RELL2: variants seen among roughly 807,000 people sequenced by gnomAD.
RELL2 encodes RELT like 2.
In RELL2, 18 loss-of-function variants were observed where a neutral mutation model predicts 27.5. The observed-to-expected ratio is 0.65, with a 90% CI of 0.45 to 0.97. RELL2 has a LOEUF of 0.97. RELL2 is among the 50% of genes least tolerant of loss of function. RELL2 has a pLI of 0.00. For missense variants in RELL2, 370 were observed against 397.5 expected, an observed-to-expected ratio of 0.93 and a Z score of 0.59; for synonymous variants, 156 against 147.5, an observed-to-expected ratio of 1.06 and a Z score of -0.42.
In RELL2 at chr5:141,640,926, T is replaced by C. The variant is rs760999279; in HGVS notation, c.*257T>C. On this transcript the variant is annotated 3_prime_UTR_variant, in exon 7 of 7. Coordinates refer to ENST00000297164, the MANE Select transcript of RELL2 (RefSeq NM_173828.5). ...GCTCCATATGATAGAGCGTGGCAGC[T>C]GGGAGCAGGCCCCTGCCCGTGGTGG... The C allele has an allele frequency of 8.7e-4, 465 of 532,384 alleles. 1 individual carries two copies. Among genetic ancestry groups the C allele is most frequent in the Non-Finnish European group, 1.2e-3 (356 of 301,696 alleles). 33.0% of individuals were successfully genotyped at this position (532,384 alleles called of 1,614,324 possible).
At position 141,638,985 on chromosome 5, in the gene RELL2, G is replaced by A; in HGVS notation, c.281G>A (p.Gly94Glu). 6.2e-7 allele frequency: 1 copy of A among 1,614,152 alleles called. No homozygotes were observed. The highest frequency in any genetic ancestry group is 8.5e-7 in the Non-Finnish European group (1 of 1,180,014). Reference protein sequence around the residue: ...ANAEALKEMLGDSEGEGTVQL... With the variant: ...ANAEALKEMLEDSEGEGTVQL... ...GCTGAGGCCTTGAAGGAGATGCTGG[G>A]GGACAGTGAAGGAGAAGGGACAGTG... Residue 94 changes from glycine (G) to glutamate (E), a missense_variant, in exon 3 of 7, where the codon GGG (glycine) becomes GAG (glutamate). Physicochemically the swap from Gly to Glu is moderately conservative, Grantham distance 98 (BLOSUM62 -2). Coordinates refer to ENST00000297164, the MANE Select transcript of RELL2 (RefSeq NM_173828.5).
Position 141,640,713 on chromosome 5 carries a change from GGGGT to G in RELL2, c.*52_*55del. 1 of 1,528,434 alleles carries G rather than the reference GGGGT, an allele frequency of 6.5e-7. No homozygotes were observed. Among genetic ancestry groups the G allele is most frequent in the Non-Finnish European group, 8.8e-7 (1 of 1,142,254 alleles). 94.7% of individuals were successfully genotyped at this position (1,528,434 alleles called of 1,614,324 possible). On this transcript the variant is annotated 3_prime_UTR_variant, in exon 7 of 7. Coordinates refer to ENST00000297164, the MANE Select transcript of RELL2 (RefSeq NM_173828.5). ...ATGGACTACCAGCTGGCAGGGCCAG[GGGGT>G]GGGTGGGCGTGAAAGCCCTCCCCTC...
Position 141,640,311 on chromosome 5 carries a change from C to T in RELL2, c.879+16C>T, listed in dbSNP as rs769298620. On this transcript the variant is annotated intron_variant, in intron 5 of 6. Coordinates refer to ENST00000297164, the MANE Select transcript of RELL2 (RefSeq NM_173828.5). ...TGATCACCAGGTAGGAAAACACAGC[C>T]GGGACTGCACTGGGCTGGGCTCTTA... 83 of 1,613,554 alleles carry T rather than the reference C, an allele frequency of 5.1e-5. No homozygotes were observed. Among genetic ancestry groups the T allele is most frequent in the East Asian group, 4.2e-4 (19 of 44,888 alleles).
chr5:141,640,395 C>G lies in RELL2; in HGVS notation c.880-17C>G. 6.2e-7 allele frequency: 1 copy of G among 1,614,186 alleles called. No individual in the cohort carries two copies. The highest frequency in any genetic ancestry group is 8.5e-7 in the Non-Finnish European group (1 of 1,180,012). ...TACTCCTGGTCTCTCATTGTTGACC[C>G]CTCCCCTTTCTCTCAGGTGTCTCTA... On this transcript the variant is annotated splice_polypyrimidine_tract_variant and intron_variant, in intron 5 of 6. Transcript: ENST00000297164.
rs1038885008 is a variant in RELL2, at chr5:141,638,140, A to C, written c.-86A>C. ...GACGTGCTTGTTTCAGATCCTGAGG[A>C]CGGCATTCCTACCCCTCCCCCATTC... On this transcript the variant is annotated 5_prime_UTR_variant, in exon 1 of 7. Transcript: ENST00000297164. 74 of 813,140 alleles carry C rather than the reference A, an allele frequency of 9.1e-5. No individual in the cohort carries two copies. The highest frequency in any genetic ancestry group is 3.1e-4 in the Middle Eastern group (1 of 3,220). 50.4% of individuals were successfully genotyped at this position (813,140 alleles called of 1,614,324 possible). A position where few individuals can be genotyped will look rare whatever the true frequency, so the allele number is the denominator to read the frequency against.
chr5:141,640,232 C>T lies in RELL2; in HGVS notation c.816C>T (p.Ser272=). The T allele has an allele frequency of 6.2e-7, 1 of 1,614,120 alleles. No homozygotes were observed. Among genetic ancestry groups the T allele is most frequent in the Admixed American group, 1.7e-5 (1 of 60,016 alleles). The change falls in exon 5 of 7, where the codon AGC becomes AGT. Residue 272 remains serine (S), a synonymous_variant. Transcript: ENST00000297164. ...PTLRAGGRGP[S]PGLPTQEANG... is the part of the protein sequence containing the mutation. ...TGAGGGCCGGAGGGAGGGGCCCAAG[C>T]CCAGGGCTGCCCACTCAAGAGGCAA...
intron 1 of RELL2, 24 bp downstream of exon 1, chr5:141,638,433 G>C: frequency 2.5e-6 from 4 of 1,589,010 alleles, no homozygotes; most frequent in Non-Finnish European, 3.4e-6. Flanking sequence ...CTGGAACCCT[G>C]GCTCAGTCAC....
intron 1 of RELL2, 117 bp downstream of exon 1, chr5:141,638,526 G>T (rs962900172): frequency 2.5e-5 from 25 of 998,840 alleles, no homozygotes; most frequent in Non-Finnish European, 3.6e-5. Context: ...AGGAAGCCTA[G>T]TGATGCACTC....
Position 141,638,057 on chromosome 5 carries a change from G to C in RELL2, c.-169G>C, listed in dbSNP as rs904174615. On this transcript the variant is annotated 5_prime_UTR_variant, in exon 1 of 7. Coordinates refer to ENST00000297164, the MANE Select transcript of RELL2 (RefSeq NM_173828.5). Reference sequence around the variant, plus strand: ...GCCGAAAGGCGAAACAGCACTCCTGGCCCGGACAGCTCCCTGGTTGGGTAG... The same window carrying C: ...GCCGAAAGGCGAAACAGCACTCCTGCCCCGGACAGCTCCCTGGTTGGGTAG... 12 of 605,238 alleles carry C rather than the reference G, an allele frequency of 2.0e-5. No individual in the cohort carries two copies. The African/African-American group carries it at 2.2e-4, about 11-fold the overall frequency. The allele number at this position is 605,238 out of a possible 1,614,324, so 37.5% of individuals were successfully genotyped here.
At position 141,638,195 on chromosome 5, in the gene RELL2, G is replaced by GC; in HGVS notation, c.-28dup. The GC allele has an allele frequency of 2.5e-6, 4 of 1,582,256 alleles. No homozygotes were observed. The highest frequency in any genetic ancestry group is 2.6e-6 in the Non-Finnish European group (3 of 1,161,582). On this transcript the variant is annotated 5_prime_UTR_variant, in exon 1 of 7. Transcript: ENST00000297164. Reference sequence around the variant, plus strand: ...CTGCAGCCCCCTAAACCCAGGAGGCGCCCTGGCCCGCGCTCGCCCCCCAGG... The same window carrying GC: ...CTGCAGCCCCCTAAACCCAGGAGGCGCCCCTGGCCCGCGCTCGCCCCCCAGG...
rs180844101 is a variant in RELL2 at position 141,639,207 on chromosome 5, A to G, written c.317+186A>G. 17 of 624,264 alleles carry G rather than the reference A, an allele frequency of 2.7e-5. No individual in the cohort carries two copies. Among genetic ancestry groups the G allele is most frequent in the African/African-American group, 1.8e-5 (1 of 54,304 alleles). The allele number at this position is 624,264 out of a possible 1,614,324, so 38.7% of individuals were successfully genotyped here. The stretch of plus-strand genomic sequence containing the variant: ...TTCAAACCATCTCTCTCATCTAGAT[A>G]TCATCAAGCCTAACATTCACCTCTA... On this transcript the variant is annotated intron_variant, in intron 3 of 6. Coordinates refer to ENST00000297164, the MANE Select transcript of RELL2 (RefSeq NM_173828.5). The surrounding 1 kb of genome is among the most constrained non-coding windows in gnomAD (Gnocchi z 4.4).
In RELL2 at chr5:141,638,088, G is replaced by T; in HGVS notation, c.-138G>T. On this transcript the variant is annotated 5_prime_UTR_variant, in exon 1 of 7. Transcript: ENST00000297164. ...ACAGCTCCCTGGTTGGGTAGGGGGT[G>T]GGGCCGGACCTCAGCCGGACGTCTT... is the stretch of plus-strand genomic sequence containing the variant. The T allele has an allele frequency of 1.5e-6, 1 of 654,230 alleles. No individual in the cohort carries two copies. The highest frequency in any genetic ancestry group is 2.6e-5 in the East Asian group (1 of 38,724). The allele number at this position is 654,230 out of a possible 1,614,324, so 40.5% of individuals were successfully genotyped here. A position where few individuals can be genotyped will look rare whatever the true frequency, so the allele number is the denominator to read the frequency against.
chr5:141,638,676 G>A, intron 1 of RELL2, 119 bp from the exon 2 acceptor site: 1 of 918,228 alleles, frequency 1.1e-6, no homozygotes, highest in Admixed American at 1.8e-5. Context: ...CTGAGGTCCA[G>A]CATGATAGCA....
In RELL2 at chr5:141,638,399, G is replaced by A. The variant is rs747885904; in HGVS notation, c.174G>A (p.Gln58=). 1.2e-6 allele frequency: 2 copies of A among 1,610,040 alleles called. No individual in the cohort carries two copies. The highest frequency in any genetic ancestry group is 4.5e-5 in the East Asian group (2 of 44,850). ...GGGGCTCTGAGCCTGACGATGCCCA[G>A]CTTCAGCCCCGTGAGTGAGGAGCCT... The part of the protein sequence containing the change: ...TSRGSEPDDA[Q]LQPPEDDDMN... The change falls in exon 1 of 7, where the codon CAG becomes CAA. Residue 58 remains glutamine, a synonymous_variant. Transcript: ENST00000297164.
At chr5:141,638,539 G>C in intron 1 of RELL2, 130 bp downstream of exon 1, 1 of 898,596 alleles carries the variant, frequency 1.1e-6, no homozygotes, top group Admixed American at 2.7e-5. Context: ...ATGCACTCTT[G>C]AGTTAGCAAG....
At position 141,637,637 on chromosome 5, in the gene RELL2, G is replaced by T; in HGVS notation, c.-589G>T. 6.5e-6 allele frequency: 1 copy of T among 152,982 alleles called. No homozygotes were observed. Among genetic ancestry groups the T allele is most frequent in the Non-Finnish European group, 1.5e-5 (1 of 68,246 alleles). The allele number at this position is 152,982 out of a possible 1,614,324, so 9.5% of individuals were successfully genotyped here. On this transcript the variant is annotated 5_prime_UTR_variant, in exon 1 of 7. Transcript: ENST00000297164. ...GTGAGGCGGCGAAGGGGGAGGGGAG[G>T]AATCAAGGGATGAGCGCCGGAAGGG... is the stretch of plus-strand genomic sequence containing the variant.
At position 141,640,047 on chromosome 5, in the gene RELL2, C is replaced by A; in HGVS notation, c.631C>A (p.Gln211Lys). The A allele has an allele frequency of 6.2e-7, 1 of 1,613,420 alleles. No homozygotes were observed. The highest frequency in any genetic ancestry group is 8.5e-7 in the Non-Finnish European group (1 of 1,179,738). The change falls in exon 5 of 7, where the codon CAG becomes AAG. Residue 211 changes from glutamine (Q) to lysine (K), a missense_variant. Coordinates refer to ENST00000297164, the MANE Select transcript of RELL2 (RefSeq NM_173828.5). ...GGGTGGTCAGGGGTCTGGGGGAGGGCAGCCCAAGGCAGGGATGCCTGCCAT... is the reference window on the plus strand; with the variant it reads ...GGGTGGTCAGGGGTCTGGGGGAGGGAAGCCCAAGGCAGGGATGCCTGCCAT... ...PGGGQGSGGG[Q>K]PKAGMPAMER... is the part of the protein sequence containing the mutation.
At position 141,639,947 on chromosome 5, in the gene RELL2, C is replaced by T. The variant is rs1325282392; in HGVS notation, c.531C>T (p.Arg177=). The stretch of plus-strand genomic sequence containing the variant: ...TCCGGGTGACACACATTGAGAAGCG[C>T]TATGGACTGCACGAACACCGTGATG... ...GRFRVTHIEK[R]YGLHEHRDGS... is the part of the protein sequence containing the mutation. The change falls in exon 5 of 7, where the codon CGC becomes CGT. Residue 177 remains arginine (R), a synonymous_variant. Coordinates refer to ENST00000297164, the MANE Select transcript of RELL2 (RefSeq NM_173828.5). This position sits in a 1 kb window ranked among gnomAD's most constrained non-coding sequence, Gnocchi z 4.4. 6.2e-7 allele frequency: 1 copy of T among 1,614,066 alleles called. No individual in the cohort carries two copies.
rs372310472 is a variant in RELL2 at position 141,638,369 on chromosome 5, G to A, written c.144G>A (p.Thr48=). ...AGAAGAAGGGCTACCGCTGCCGCAC[G>A]TCGAGGGGCTCTGAGCCTGACGATG... ...VLKKKGYRCR[T]SRGSEPDDAQ... The change falls in exon 1 of 7, where the codon ACG becomes ACA. Residue 48 remains threonine (T), a synonymous_variant. Coordinates refer to ENST00000297164, the MANE Select transcript of RELL2 (RefSeq NM_173828.5). The A allele has an allele frequency of 3.7e-6, 6 of 1,613,510 alleles. No individual in the cohort carries two copies. In the African/African-American group the frequency reaches 5.3e-5, roughly 14 times the overall value.
Sources: allele counts gnomAD v4.1 joint callset, GRCh38; gene constraint gnomAD v4.1.1; non-coding constraint Gnocchi (gnomAD v3.1); transcripts MANE v1.5; gene names NCBI Gene and HGNC (gene_info 2026-07-23, HGNC 2026-07-21).